Variants in SLC9D1 observed in about 807,000 individuals in gnomAD.
The protein encoded by SLC9D1 is solute carrier family 9 member D1.
the SLC9D1 span, among the ~76,000 whole-genome samples, chr13:113,525,389 G>A: frequency 0.18 from 28,045 of 152,034 alleles, 3,391 homozygotes; most frequent in African/African-American, 0.35. Flanking sequence ...ACCCAATTAG[G>A]CATGGTACGG....
chr13:113,539,567 AAT>A, the SLC9D1 span: 5 of 1,559,152 alleles, frequency 3.2e-6, no homozygotes, highest in African/African-American at 1.4e-5. The surrounding 1 kb of genome is among the most constrained non-coding windows in gnomAD (Gnocchi z 4.8). Context: ...GTGGTTCTGT[AAT>A]ATGTTTACGT....
At chr13:113,537,434 T>A in the SLC9D1 span, among the ~76,000 whole-genome samples, 5 of 152,200 alleles carry the variant, frequency 3.3e-5, no homozygotes, top group Non-Finnish European at 7.3e-5. Context: ...TAGCACCACG[T>A]CCTCCAGGCC....
At chr13:113,503,750 T>C in the SLC9D1 span, 1 of 580,506 alleles carries the variant, frequency 1.7e-6, no homozygotes, top group South Asian at 2.2e-5. Flanking sequence ...TTCAGAAAGA[T>C]AAAAAATATC....
At chr13:113,545,391 A>C in the SLC9D1 span, among the ~76,000 whole-genome samples, 1 of 152,362 alleles carries the variant, frequency 6.6e-6, no homozygotes, top group African/African-American at 2.4e-5. Context: ...ATAGTTTCTC[A>C]GTGCTACACC....
At chr13:113,513,168 C>T in the SLC9D1 span, among the ~76,000 whole-genome samples, 2 of 152,148 alleles carry the variant, frequency 1.3e-5, no homozygotes, top group African/African-American at 2.4e-5. Flanking sequence ...TGATAGGACA[C>T]GTCTCCTCGG....
the SLC9D1 span, among the ~76,000 whole-genome samples, chr13:113,539,065 C>T: frequency 6.6e-6 from 1 of 152,244 alleles, no homozygotes; most frequent in East Asian, 1.9e-4. The surrounding 1 kb of genome is among the most constrained non-coding windows in gnomAD (Gnocchi z 4.8). Flanking sequence ...ATATTTAAAA[C>T]AGTTGGAAAA....
chr13:113,499,766 A>G, the SLC9D1 span, among the ~76,000 whole-genome samples: 4 of 152,352 alleles, frequency 2.6e-5, no homozygotes, highest in East Asian at 7.7e-4. Flanking sequence ...ATGGTGAAGT[A>G]GATCTTGGAA....
the SLC9D1 span, among the ~76,000 whole-genome samples, chr13:113,497,804 A>G: frequency 3.3e-5 from 5 of 152,262 alleles, no homozygotes; most frequent in African/African-American, 1.2e-4. Context: ...TAAATGTTTA[A>G]AAGTAAGATT....
At chr13:113,496,301 A>G in the SLC9D1 span, among the ~76,000 whole-genome samples, 2 of 152,316 alleles carry the variant, frequency 1.3e-5, no homozygotes, top group South Asian at 2.1e-4. Flanking sequence ...ACTTTTCTCT[A>G]TAGAGAAATC....
At chr13:113,499,059 G>C in the SLC9D1 span, among the ~76,000 whole-genome samples, 4 of 152,202 alleles carry the variant, frequency 2.6e-5, no homozygotes, top group African/African-American at 7.2e-5. Flanking sequence ...TTCTGGGAAA[G>C]GGGTGGCGGT....
chr13:113,513,146 AAAT>A, the SLC9D1 span, among the ~76,000 whole-genome samples: 1 of 152,312 alleles, frequency 6.6e-6, no homozygotes, highest in Admixed American at 6.5e-5. Flanking sequence ...AAGGAACAGC[AAAT>A]AATTGGGCTG....
the SLC9D1 span, chr13:113,511,689 T>A: frequency 6.6e-6 from 1 of 152,076 alleles, no homozygotes; most frequent in South Asian, 2.1e-4. Context: ...GGTTGGAGGG[T>A]CGGGGGCTGA....
chr13:113,532,444 G>A, the SLC9D1 span, among the ~76,000 whole-genome samples: 1 of 152,112 alleles, frequency 6.6e-6, no homozygotes, highest in Non-Finnish European at 1.5e-5. Flanking sequence ...CAGTGGAAGG[G>A]CATGGCAGGG....
At chr13:113,514,063 A>G in the SLC9D1 span, among the ~76,000 whole-genome samples, 4 of 152,240 alleles carry the variant, frequency 2.6e-5, no homozygotes, top group Non-Finnish European at 5.9e-5. Flanking sequence ...CTTTAGAACT[A>G]CGAGAAGGAA....
the SLC9D1 span, chr13:113,528,272 GGGGA>G: frequency 6.6e-6 from 1 of 152,228 alleles, no homozygotes; most frequent in African/African-American, 2.4e-5. Flanking sequence ...TGACTCCCCT[GGGGA>G]GGGTGGTGTG....
the SLC9D1 span, chr13:113,549,798 GGTGCCTGGAT>G: frequency 1.6e-6 from 1 of 611,650 alleles, no homozygotes; most frequent in African/African-American, 1.9e-5. Context: ...CCTTGAATGT[GGTGCCTGGAT>G]GTGCCTTTTT....
chr13:113,494,802 G>A, the SLC9D1 span, among the ~76,000 whole-genome samples: 2 of 152,138 alleles, frequency 1.3e-5, no homozygotes, highest in Non-Finnish European at 2.9e-5. Context: ...GAGTGACGTT[G>A]AGCATGGTGT....
chr13:113,533,676 G>A, the SLC9D1 span, among the ~76,000 whole-genome samples: 4 of 152,338 alleles, frequency 2.6e-5, no homozygotes, highest in East Asian at 1.9e-4. Flanking sequence ...AGGCGACTGC[G>A]GTGGGGCACG....
the SLC9D1 span, chr13:113,495,447 T>C: frequency 1.6e-6 from 1 of 618,936 alleles, no homozygotes. Flanking sequence ...TTTAATACTC[T>C]GATCAATAGT....
Sources: gnomAD v4.1 joint callset for allele counts (sites outside exome capture counted in the v4.1 genomes callset) on GRCh38, gnomAD v4.1.1 for gene constraint, Gnocchi (gnomAD v3.1) non-coding constraint, MANE v1.5 for transcripts, NCBI Gene and HGNC (gene_info 2026-07-23, HGNC 2026-07-21) for gene names.